The following GSTT4 variants were observed in gnomAD, a reference collection of about 807,000 sequenced individuals.
The protein encoded by GSTT4 is glutathione S-transferase theta-4.
At chr22:23,998,996 C>T (rs1011926018) in intron 4 of GSTT4, among the ~76,000 whole-genome samples, 26 of 152,238 alleles carry the variant, frequency 1.7e-4, no homozygotes, top group Non-Finnish European at 3.8e-4. Context: ...GGCTCCTGGC[C>T]CAGGCACTTC....
At chr22:24,001,828 T>C (rs1812588030) in intron 2 of GSTT4, among the ~76,000 whole-genome samples, 1 of 152,168 alleles carries the variant, frequency 6.6e-6, no homozygotes, top group African/African-American at 2.4e-5. Flanking sequence ...TCTACTAAAA[T>C]GAAAATACAA....
chr22:24,001,495 C>G (rs1374430511), intron 2 of GSTT4, among the ~76,000 whole-genome samples, 170 bp from the exon 3 acceptor site: 1 of 152,250 alleles, frequency 6.6e-6, no homozygotes, highest in Non-Finnish European at 1.5e-5. Context: ...TCAGTAAGGG[C>G]TGGGAAGGAG....
At chr22:23,996,515 G>A (rs1435413823), downstream of GSTT4, among the ~76,000 whole-genome samples, 1 of 152,178 alleles carries the variant, frequency 6.6e-6, no homozygotes, top group Non-Finnish European at 1.5e-5. Context: ...AGTTGAGGAA[G>A]TTCCTTTCTC....
chr22:23,990,622 TAATA>T, the GSTT4 span, among the ~76,000 whole-genome samples: 53 of 66,482 alleles, frequency 8.0e-4, 7 homozygotes, highest in South Asian at 3.4e-3. Context: ...TGAGACACTG[TAATA>T]AATAAATAAA....
downstream of GSTT4, among the ~76,000 whole-genome samples, chr22:23,997,505 G>A (rs758565572): frequency 1.8e-4 from 28 of 152,046 alleles, no homozygotes; most frequent in Admixed American, 3.3e-4. Context: ...TTGCAGGTGT[G>A]AGCCATTGCA....
chr22:23,995,134 TTTG>T (rs200026415), downstream of GSTT4, among the ~76,000 whole-genome samples: 18 of 126,720 alleles, frequency 1.4e-4, no homozygotes, highest in African/African-American at 5.7e-4. Context: ...TTTTTTTTTG[TTTG>T]TTTGTTTTTT....
At chr22:24,003,709 C>G (rs1033919000) in intron 2 of GSTT4, 51 bp downstream of exon 2, 2 of 155,050 alleles carry the variant, frequency 1.3e-5, no homozygotes, top group African/African-American at 4.8e-5. Flanking sequence ...TGCACTGAAC[C>G]TCCCAGGAGA....
At position 24,000,057 on chromosome 22, in the gene GSTT4, C is replaced by T. The variant is rs1478811621; in HGVS notation, c.528+18G>A. 4 of 155,878 alleles carry T rather than the reference C, an allele frequency of 2.6e-5. No individual in the cohort carries two copies. The highest frequency in any genetic ancestry group is 1.9e-4 in the East Asian group (1 of 5,224). The allele number at this position is 155,878 out of a possible 1,614,324, so 9.7% of individuals were successfully genotyped here. ...TACCTCTGCCCAGGGTCTAACCCTC[C>T]TCCAATCCACTCCACACCTGCATCA... On this transcript the variant is annotated intron_variant, in intron 4 of 4. Transcript: ENST00000621179.
intron 4 of GSTT4, among the ~76,000 whole-genome samples, chr22:23,999,721 G>A (rs1448269693): frequency 7.0e-6 from 1 of 142,344 alleles, no homozygotes; most frequent in Non-Finnish European, 1.5e-5. Flanking sequence ...GGACACCCAG[G>A]AAGCCAGTGA....
At chr22:23,992,961 C>T in the GSTT4 span, among the ~76,000 whole-genome samples, 8 of 95,230 alleles carry the variant, frequency 8.4e-5, no homozygotes, top group South Asian at 1.1e-3. Context: ...TTTGTAGAGA[C>T]GGGGTCGCAC....
chr22:23,993,429 A>G (rs2034086579), downstream of GSTT4, among the ~76,000 whole-genome samples: 1 of 152,154 alleles, frequency 6.6e-6, no homozygotes, highest in Non-Finnish European at 1.5e-5. Flanking sequence ...AAATATACTA[A>G]CAGGCTCCCA....
chr22:24,005,130 C>T (rs2034323943), intron 1 of GSTT4, 115 bp downstream of exon 1: 1 of 152,668 alleles, frequency 6.6e-6, no homozygotes, highest in African/African-American at 2.4e-5. Flanking sequence ...CACCGTACTC[C>T]ATGCTGGGCA....
downstream of GSTT4, among the ~76,000 whole-genome samples, chr22:23,996,101 G>A (rs2034112785): frequency 2.0e-5 from 3 of 151,982 alleles, no homozygotes; most frequent in South Asian, 4.2e-4. Flanking sequence ...GCGCCACCAC[G>A]CCCGGCTAAT....
At chr22:24,001,512 G>A (rs1157924281) in intron 2 of GSTT4, among the ~76,000 whole-genome samples, 187 bp from the exon 3 acceptor site, 2 of 152,270 alleles carry the variant, frequency 1.3e-5, no homozygotes, top group Non-Finnish European at 2.9e-5. Context: ...GGAGCCCTGC[G>A]GGGTGAGTAG....
chr22:23,992,151 A>AGGGT, the GSTT4 span, among the ~76,000 whole-genome samples: 10 of 140,804 alleles, frequency 7.1e-5, no homozygotes, highest in Non-Finnish European at 1.6e-4. Flanking sequence ...CCAGAGAGGA[A>AGGGT]GGGTGGCTGA....
At position 23,999,017 on chromosome 22, in the gene GSTT4, A is replaced by C. The variant is rs2034168105; in HGVS notation, c.529-278T>G. The stretch of plus-strand genomic sequence containing the variant: ...TGGCCCAGGCACTTCCCACTTCTCC[A>C]GCCTGCGACCTCGCATGAATCCTGC... On this transcript the variant is annotated intron_variant, in intron 4 of 4. Transcript: ENST00000621179. 2.0e-5 allele frequency among the ~76,000 whole-genome samples: 3 copies of C among 152,234 alleles called. No individual in the cohort carries two copies. The South Asian group carries it at 6.2e-4, about 31-fold the overall frequency.
chr22:23,991,993 C>A, the GSTT4 span, among the ~76,000 whole-genome samples: 3 of 138,782 alleles, frequency 2.2e-5, no homozygotes, highest in Admixed American at 2.4e-4. Flanking sequence ...GCGGAGCTTG[C>A]AGTGAGCCGA....
the GSTT4 span, among the ~76,000 whole-genome samples, chr22:23,992,494 G>C: frequency 6.7e-6 from 1 of 150,366 alleles, no homozygotes; most frequent in African/African-American, 2.5e-5. Flanking sequence ...TCAAGGGGAG[G>C]GGACCATACA....
chr22:23,989,887 A>G, the GSTT4 span, among the ~76,000 whole-genome samples: 1 of 150,748 alleles, frequency 6.6e-6, no homozygotes, highest in Non-Finnish European at 1.5e-5. Flanking sequence ...TTGCCCTTCT[A>G]CTGAATGGAC....
Sources: allele counts gnomAD v4.1 joint callset (sites outside exome capture counted in the v4.1 genomes callset), GRCh38; gene constraint gnomAD v4.1.1; transcripts MANE v1.5; gene names NCBI Gene and HGNC (gene_info 2026-07-23, HGNC 2026-07-21).